The following JPH3 variants were observed in gnomAD, a reference collection of about 807,000 sequenced individuals.
JPH3 encodes the protein junctophilin 3.
A neutral mutation model predicts 59.6 loss-of-function variants in JPH3; 11 were observed. The ratio of observed to expected loss-of-function variants is 0.18; its 90% CI spans 0.12 to 0.31. The LOEUF (loss-of-function observed/expected upper bound fraction) is 0.31. Ranked by LOEUF, JPH3 falls within the 10% of genes least tolerant of loss-of-function variation. JPH3 has a pLI of 1.00. For synonymous variants in JPH3, 673 were observed against 483.6 expected, an observed-to-expected ratio of 1.39 and a Z score of -5.14; for missense variants, 1,202 against 1,105.7, an observed-to-expected ratio of 1.09 and a Z score of -1.24.
intron 2 of JPH3, among the ~76,000 whole-genome samples, chr16:87,651,543 G>T (rs532291586): frequency 6.6e-6 from 1 of 152,226 alleles, no homozygotes; most frequent in African/African-American, 2.4e-5. Context: ...GAATTTAGAA[G>T]AAGTTGATTC....
chr16:87,605,503 C>T lies in JPH3; in HGVS notation c.382+1975C>T, dbSNP rs192805399. ...GAGCTTACATTTGAGGGAGAAGGAG[C>T]GGCGATTATGTTGTGACTTTTTAGG... On this transcript the variant is annotated intron_variant, in intron 1 of 4. Transcript: ENST00000284262. Among the ~76,000 whole-genome samples the T allele has an allele frequency of 8.7e-4, 132 of 152,244 alleles. 1 individual carries two copies. The highest frequency in any genetic ancestry group is 1.5e-3 in the Admixed American group (23 of 15,300).
At chr16:87,643,609 C>T (rs111471928) in intron 1 of JPH3, among the ~76,000 whole-genome samples, 1,909 of 152,326 alleles carry the variant, frequency 0.013, 39 homozygotes, top group East Asian at 0.084. Context: ...CCTCCTAACC[C>T]AGGACGCGTT....
intron 3 of JPH3, among the ~76,000 whole-genome samples, chr16:87,686,026 C>T (rs949995576): frequency 3.9e-5 from 6 of 152,084 alleles, no homozygotes; most frequent in Admixed American, 2.0e-4. Context: ...GAGACAGGGG[C>T]GGATGGAGTG....
At chr16:87,676,271 A>G (rs563849671) in intron 2 of JPH3, among the ~76,000 whole-genome samples, 2 of 152,280 alleles carry the variant, frequency 1.3e-5, no homozygotes, top group South Asian at 2.1e-4. Flanking sequence ...CTTTTCCTCT[A>G]TGTCCTAATA....
intron 2 of JPH3, among the ~76,000 whole-genome samples, chr16:87,655,417 G>A (rs532033878): frequency 1.3e-5 from 2 of 152,248 alleles, no homozygotes; most frequent in Admixed American, 6.5e-5. Context: ...GCAGTGGTAC[G>A]ATCATAGCCC....
chr16:87,646,970 G>A (rs12443771), intron 2 of JPH3, among the ~76,000 whole-genome samples: 20,037 of 152,188 alleles, frequency 0.13, 1,558 homozygotes, highest in African/African-American at 0.2. Context: ...CCATTAAGGA[G>A]CCCAGGTGGC....
intron 1 of JPH3, among the ~76,000 whole-genome samples, chr16:87,607,250 G>A (rs1007823815): frequency 5.3e-5 from 8 of 152,128 alleles, no homozygotes; most frequent in African/African-American, 1.7e-4. Flanking sequence ...TCTTTCCTTC[G>A]GGTGCTGTGT....
chr16:87,672,827 A>G (rs1271115478), intron 2 of JPH3, among the ~76,000 whole-genome samples: 1 of 152,142 alleles, frequency 6.6e-6, no homozygotes, highest in Non-Finnish European at 1.5e-5. Flanking sequence ...CCTACCTCAT[A>G]CCAAAATTAT....
rs777929426 is a variant in JPH3, at chr16:87,603,266, C to A, written c.120C>A (p.Thr40=). ...CTGPKGQGEY[T]GSWSHGFEVL... is the part of the protein sequence containing the mutation. ...GCCCCAAGGGCCAAGGCGAATACAC[C>A]GGCTCGTGGAGCCACGGCTTCGAGG... is the stretch of plus-strand genomic sequence containing the variant. Residue 40 remains threonine (T), a synonymous_variant, in exon 1 of 5, where the codon ACC becomes ACA. Coordinates refer to ENST00000284262, the MANE Select transcript of JPH3 (RefSeq NM_020655.4). 4 of 1,613,698 alleles carry A rather than the reference C, an allele frequency of 2.5e-6. No homozygotes were observed. Among genetic ancestry groups the A allele is most frequent in the Non-Finnish European group, 1.7e-6 (2 of 1,179,942 alleles).
intron 1 of JPH3, among the ~76,000 whole-genome samples, chr16:87,610,848 G>A (rs2030704258): frequency 6.6e-6 from 1 of 152,226 alleles, no homozygotes; most frequent in African/African-American, 2.4e-5. Flanking sequence ...GATTTAATGA[G>A]TAGCATTCAT....
rs191895943 is a variant in JPH3 at position 87,656,154 on chromosome 16, C to G, written c.1160+11119C>G. On this transcript the variant is annotated intron_variant, in intron 2 of 4. Coordinates refer to ENST00000284262, the MANE Select transcript of JPH3 (RefSeq NM_020655.4). Reference sequence around the variant, plus strand: ...TGTGAGCCAGGAGCCCTGAGGGCGTCTCTGCCCGCCTATCTCAGAGCACAC... The same window carrying G: ...TGTGAGCCAGGAGCCCTGAGGGCGTGTCTGCCCGCCTATCTCAGAGCACAC... Among the ~76,000 whole-genome samples the G allele has an allele frequency of 9.9e-3, 1,512 of 152,352 alleles. 14 individuals are homozygous for G. Among genetic ancestry groups the G allele is most frequent in the Non-Finnish European group, 0.015 (997 of 68,032 alleles).
chr16:87,674,402 T>A (rs887504634), intron 2 of JPH3, among the ~76,000 whole-genome samples: 19 of 152,246 alleles, frequency 1.2e-4, no homozygotes, highest in African/African-American at 4.6e-4. Flanking sequence ...GTGTCCAGGT[T>A]TCTAGCATGT....
At chr16:87,619,951 C>T (rs887177928) in intron 1 of JPH3, among the ~76,000 whole-genome samples, 2 of 152,138 alleles carry the variant, frequency 1.3e-5, no homozygotes, top group Non-Finnish European at 2.9e-5. Flanking sequence ...TCTGTGAGCA[C>T]CAGGGACAGA....
At chr16:87,662,584 G>A (rs2032739730) in intron 2 of JPH3, among the ~76,000 whole-genome samples, 1 of 152,182 alleles carries the variant, frequency 6.6e-6, no homozygotes, top group Non-Finnish European at 1.5e-5. Context: ...CTTGAGTGAG[G>A]CTCTGCCCTC....
intron 1 of JPH3, among the ~76,000 whole-genome samples, chr16:87,622,739 C>A (rs1396815204): frequency 5.0e-5 from 2 of 40,306 alleles, no homozygotes; most frequent in East Asian, 7.8e-4. Context: ...ATAAATCAGA[C>A]CCCCCCCCGC....
At chr16:87,632,125 C>T (rs377490539) in intron 1 of JPH3, among the ~76,000 whole-genome samples, 8 of 152,162 alleles carry the variant, frequency 5.3e-5, no homozygotes, top group East Asian at 1.9e-4. Flanking sequence ...TGGCAGCCTT[C>T]GCTTCTGGCT....
In JPH3 at chr16:87,644,333, C is replaced by T. The variant is rs2032059368; in HGVS notation, c.458C>T (p.Ala153Val). ...CGGCAGAGCGTCCCGTATGGCATGG[C>T]CGCGGTCATCCGCTCACCCCTGAGG... ...GVRQSVPYGMAAVIRSPLRTS... is the reference protein window; with the variant it reads ...GVRQSVPYGMVAVIRSPLRTS... The change falls in exon 2 of 5, where the codon GCC (alanine) becomes GTC (valine). Residue 153 changes from alanine (A) to valine (V), a missense_variant. Transcript: ENST00000284262. 1 of 1,612,958 alleles carries T rather than the reference C, an allele frequency of 6.2e-7. No individual in the cohort carries two copies. The highest frequency in any genetic ancestry group is 8.5e-7 in the Non-Finnish European group (1 of 1,179,936).
At chr16:87,687,208 C>G (rs1597291524) in intron 3 of JPH3, among the ~76,000 whole-genome samples, 1 of 152,302 alleles carries the variant, frequency 6.6e-6, no homozygotes, top group East Asian at 1.9e-4. Context: ...CAGGTCCTTC[C>G]TCAGTCGTCC....
Position 87,603,606 on chromosome 16 carries a change from A to T in JPH3, c.382+78A>T. On this transcript the variant is annotated intron_variant, in intron 1 of 4. Transcript: ENST00000284262. Reference sequence around the variant, plus strand: ...GCGCCCCTTCTGTGGATCTCTGGGGAAGTTGAGCTGCGTCCTCCGGTTGGG... The same window carrying T: ...GCGCCCCTTCTGTGGATCTCTGGGGTAGTTGAGCTGCGTCCTCCGGTTGGG... 4 of 1,472,524 alleles carry T rather than the reference A, an allele frequency of 2.7e-6. No homozygotes were observed. The Admixed American group carries it at 9.1e-5, about 33-fold the overall frequency. 91.2% of individuals were successfully genotyped at this position (1,472,524 alleles called of 1,614,324 possible).
Sources: gnomAD v4.1 joint callset for allele counts (sites outside exome capture counted in the v4.1 genomes callset) on GRCh38, gnomAD v4.1.1 for gene constraint, MANE v1.5 for transcripts, NCBI Gene and HGNC (gene_info 2026-07-23, HGNC 2026-07-21) for gene names.